KALRN: variants seen among roughly 807,000 people sequenced by gnomAD.
KALRN encodes kalirin RhoGEF kinase.
A neutral mutation model predicts 353.7 loss-of-function variants in KALRN; 70 were observed. The ratio of observed to expected loss-of-function variants is 0.20; its 90% CI spans 0.16 to 0.24. The LOEUF (loss-of-function observed/expected upper bound fraction) is 0.24. Among genes scored for constraint, KALRN ranks in the 10% least tolerant of loss-of-function variants. The pLI is 1.00. For missense variants in KALRN, 2,791 were observed against 3,756.7 expected, an observed-to-expected ratio of 0.74 and a Z score of 6.72; for synonymous variants, 1,391 against 1,434.8, an observed-to-expected ratio of 0.97 and a Z score of 0.69.
chr3:124,109,342 A>T (rs748876715), intron 1 of KALRN, among the ~76,000 whole-genome samples: 9 of 151,212 alleles, frequency 6.0e-5, no homozygotes, highest in Non-Finnish European at 1.3e-4. Context: ...CCTCCAGTTT[A>T]TTCTCTTTTT....
At chr3:124,335,752 G>A (rs943952423) in intron 9 of KALRN, among the ~76,000 whole-genome samples, 14 of 152,150 alleles carry the variant, frequency 9.2e-5, no homozygotes, top group Non-Finnish European at 1.6e-4. Flanking sequence ...TGTGGCTACC[G>A]TGTAACTCCA....
rs760267958 is a variant in KALRN, at chr3:124,488,192, T to C, written c.4285-12T>C. On this transcript the variant is annotated splice_polypyrimidine_tract_variant and intron_variant, in intron 28 of 59. Transcript: ENST00000682506. ...GATGGCCCTAATTATGTCCGGACTT[T>C]TTTTTCCCCAGGAACTTTTAACTTG... 2 of 1,596,568 alleles carry C rather than the reference T, an allele frequency of 1.3e-6. No individual in the cohort carries two copies. The highest frequency in any genetic ancestry group is 2.7e-5 in the African/African-American group (2 of 74,500).
At position 124,495,729 on chromosome 3, in the gene KALRN, TAAAA is replaced by T. The variant is rs1170201040; in HGVS notation, c.4833-563_4833-560del. On this transcript the variant is annotated intron_variant, in intron 32 of 59. Transcript: ENST00000682506. ...TGGGTGACAGAATAAGACTCCATCT[TAAAA>T]AAAAAAAAAAAAAAAAAAGAAGAAG... 4.4e-5 allele frequency among the ~76,000 whole-genome samples: 3 copies of T among 68,240 alleles called. No homozygotes were observed. The South Asian group carries it at 2.0e-3, about 45-fold the overall frequency. 44.8% of individuals were successfully genotyped at this position (68,240 alleles called of 152,430 possible).
At chr3:124,533,386 A>T (rs2068224212) in intron 33 of KALRN, among the ~76,000 whole-genome samples, 1 of 152,204 alleles carries the variant, frequency 6.6e-6, no homozygotes, top group Non-Finnish European at 1.5e-5. Context: ...TCATGTCTAT[A>T]GTCCTAGCAC....
rs766508364 is a variant in KALRN at position 124,632,717 on chromosome 3, G to A, written c.5466+14G>A. On this transcript the variant is annotated intron_variant, in intron 35 of 59. Coordinates refer to ENST00000682506, the MANE Select transcript of KALRN (RefSeq NM_001388419.1). Reference sequence around the variant, plus strand: ...AGCGCTGATGAGGTACTTACAGGGGGCCCTGGAGTTGTCCATCAGGAGGGC... The same window carrying A: ...AGCGCTGATGAGGTACTTACAGGGGACCCTGGAGTTGTCCATCAGGAGGGC... 13 of 1,607,718 alleles carry A rather than the reference G, an allele frequency of 8.1e-6. No homozygotes were observed. Among genetic ancestry groups the A allele is most frequent in the Middle Eastern group, 1.7e-4 (1 of 6,060 alleles).
At chr3:124,208,273 T>A (rs1481362377) in intron 1 of KALRN, among the ~76,000 whole-genome samples, 2 of 152,218 alleles carry the variant, frequency 1.3e-5, no homozygotes, top group African/African-American at 2.4e-5. Context: ...CAGCCTCTAA[T>A]GGCTGGAAGG....
chr3:124,646,391 C>CTTTTTT lies in KALRN; in HGVS notation c.5665-4405_5665-4400dup, dbSNP rs10673161. Among the ~76,000 whole-genome samples, 51 of 110,464 alleles carry CTTTTTT rather than the reference C, an allele frequency of 4.6e-4. 4 individuals are homozygous for CTTTTTT. The highest frequency in any genetic ancestry group is 4.0e-3 in the Admixed American group (39 of 9,774). The allele number at this position is 110,464 out of a possible 152,430, so 72.5% of individuals were successfully genotyped here. The stretch of plus-strand genomic sequence containing the variant: ...GACTGCTAGAGGGATCTTTTGTTTA[C>CTTTTTT]TTTTTTTTTTTTTTTTTGAGACAGA... On this transcript the variant is annotated intron_variant, in intron 37 of 59. Transcript: ENST00000682506.
intron 11 of KALRN, among the ~76,000 whole-genome samples, chr3:124,389,559 C>A (rs1455834956): frequency 6.6e-6 from 1 of 152,174 alleles, no homozygotes. Flanking sequence ...TAGTCATAAT[C>A]TTGAATAATT....
intron 51 of KALRN, among the ~76,000 whole-genome samples, chr3:124,681,918 A>G (rs1207546294): frequency 4.6e-5 from 7 of 152,084 alleles, no homozygotes; most frequent in African/African-American, 1.4e-4. Context: ...GTGTGAGCCA[A>G]TGCACCTGGC....
At chr3:124,417,402 G>C (rs549110288) in intron 14 of KALRN, among the ~76,000 whole-genome samples, 2 of 152,248 alleles carry the variant, frequency 1.3e-5, no homozygotes, top group South Asian at 2.1e-4. Context: ...AAATCTGACC[G>C]TGCGACTGTT....
chr3:124,694,089 G>C (rs950697141), intron 52 of KALRN, among the ~76,000 whole-genome samples: 15 of 152,090 alleles, frequency 9.9e-5, no homozygotes, highest in Non-Finnish European at 2.9e-5. Flanking sequence ...ATTATCTCTG[G>C]ATTATGACAT....
chr3:124,584,800 A>C lies in KALRN; in HGVS notation c.5182+21711A>C, dbSNP rs1367014947. On this transcript the variant is annotated intron_variant, in intron 34 of 59. Coordinates refer to ENST00000682506, the MANE Select transcript of KALRN (RefSeq NM_001388419.1). ...GGGCTGGCGCCCCGTGCCATGCGGG[A>C]GCGCTGGGGCGGCGGGGCAACATGA... 3 of 1,592,410 alleles carry C rather than the reference A, an allele frequency of 1.9e-6. No homozygotes were observed. The Admixed American group carries it at 5.3e-5, about 28-fold the overall frequency.
Position 124,657,751 on chromosome 3 carries a change from T to C in KALRN, c.5984T>C (p.Leu1995Pro). The C allele has an allele frequency of 6.2e-7, 1 of 1,613,640 alleles. No individual in the cohort carries two copies. Residue 1995 changes from leucine (L) to proline (P), a missense_variant, in exon 41 of 60, where the codon CTG becomes CCG. Leu to Pro is a moderately conservative substitution (Grantham distance 98). Coordinates refer to ENST00000682506, the MANE Select transcript of KALRN (RefSeq NM_001388419.1). The part of the protein sequence containing the change: ...DWHKDFFLAE[L>P]EKCIQEQDRL... ...CCTTTTAGTTTTTTCCTGGCGGAAC[T>C]GGAAAAGTGTATCCAGGAGCAAGAC...
intron 10 of KALRN, among the ~76,000 whole-genome samples, chr3:124,379,234 A>T (rs540574925): frequency 2.0e-3 from 304 of 152,258 alleles, no homozygotes; most frequent in Middle Eastern, 3.4e-3. Flanking sequence ...GGGATTTTTT[A>T]AAAATTTTTT....
intron 10 of KALRN, among the ~76,000 whole-genome samples, chr3:124,365,252 A>G (rs2084528424): frequency 6.6e-6 from 1 of 152,120 alleles, no homozygotes; most frequent in Admixed American, 6.5e-5. Flanking sequence ...TTCTGAACAT[A>G]ATTCACCCCT....
intron 16 of KALRN, among the ~76,000 whole-genome samples, chr3:124,433,412 G>A (rs2093351082): frequency 6.6e-6 from 1 of 151,536 alleles, no homozygotes; most frequent in South Asian, 2.1e-4. Context: ...CAGACAGCAA[G>A]ATCCCATTTC....
intron 32 of KALRN, among the ~76,000 whole-genome samples, chr3:124,494,558 G>A (rs1463007406): frequency 6.6e-6 from 1 of 152,206 alleles, no homozygotes; most frequent in African/African-American, 2.4e-5. Flanking sequence ...TTTTACAGCA[G>A]ATTTTCCTTC....
intron 52 of KALRN, 149 bp from the exon 53 acceptor site, chr3:124,694,183 G>A: frequency 1.4e-6 from 1 of 700,234 alleles, no homozygotes; most frequent in South Asian, 2.0e-5. Flanking sequence ...TTTTTAAAGA[G>A]ACCCAGATGA....
chr3:124,643,767 T>A (rs770084104), intron 37 of KALRN, among the ~76,000 whole-genome samples: 1 of 152,028 alleles, frequency 6.6e-6, no homozygotes, highest in Non-Finnish European at 1.5e-5. Context: ...GCCACAGCCA[T>A]ATGTTATTTT....
Sources: gnomAD v4.1 joint callset for allele counts (sites outside exome capture counted in the v4.1 genomes callset) on GRCh38, gnomAD v4.1.1 for gene constraint, MANE v1.5 for transcripts, NCBI Gene and HGNC (gene_info 2026-07-23, HGNC 2026-07-21) for gene names.